Variants in TOP6BL observed in about 807,000 individuals in gnomAD.
TOP6BL encodes TOP6B like initiator of meiotic double strand breaks, also known as type 2 DNA topoisomerase 6 subunit B-like.
the TOP6BL span, among the ~76,000 whole-genome samples, chr11:66,792,509 G>A: frequency 1.3e-5 from 2 of 152,124 alleles, no homozygotes. Flanking sequence ...ATAGCTACCT[G>A]TATACACAGA....
the TOP6BL span, among the ~76,000 whole-genome samples, chr11:66,829,419 T>TA: frequency 6.6e-6 from 1 of 151,030 alleles, no homozygotes; most frequent in African/African-American, 2.4e-5. Context: ...CTACTAAAAA[T>TA]ACAAACATTA....
At chr11:66,776,787 T>C in the TOP6BL span, among the ~76,000 whole-genome samples, 1 of 152,186 alleles carries the variant, frequency 6.6e-6, no homozygotes, top group Non-Finnish European at 1.5e-5. Flanking sequence ...CAGTGGCTTA[T>C]GCTAGTAATC....
chr11:66,828,126 T>C, the TOP6BL span: 1 of 615,420 alleles, frequency 1.6e-6, no homozygotes, highest in Non-Finnish European at 2.9e-6. Flanking sequence ...ACTGCCTTCA[T>C]GAAAACTAAG....
At chr11:66,842,820 T>G in the TOP6BL span, 40 of 1,528,854 alleles carry the variant, frequency 2.6e-5, no homozygotes, top group African/African-American at 1.4e-5. Context: ...GCCATGAAAG[T>G]AAGATGAAGA....
At chr11:66,784,372 G>C in the TOP6BL span, among the ~76,000 whole-genome samples, 1 of 151,870 alleles carries the variant, frequency 6.6e-6, no homozygotes, top group Non-Finnish European at 1.5e-5. Context: ...TTTTGCCAAG[G>C]GGTGGTCTCA....
the TOP6BL span, among the ~76,000 whole-genome samples, chr11:66,800,255 T>A: frequency 6.6e-6 from 1 of 152,060 alleles, no homozygotes; most frequent in South Asian, 2.1e-4. Flanking sequence ...AATAGGGAGT[T>A]GTTAGTTAAA....
At chr11:66,821,497 G>T in the TOP6BL span, 17 of 761,976 alleles carry the variant, frequency 2.2e-5, no homozygotes, top group African/African-American at 2.7e-4. Flanking sequence ...CCGTGGTCTC[G>T]ATCTCCTGAC....
the TOP6BL span, among the ~76,000 whole-genome samples, chr11:66,822,953 C>T: frequency 6.6e-6 from 1 of 150,960 alleles, no homozygotes; most frequent in Non-Finnish European, 1.5e-5. Flanking sequence ...GAGCCGTGAT[C>T]ATGCCACTGT....
At chr11:66,772,736 C>T in the TOP6BL span, among the ~76,000 whole-genome samples, 3 of 152,236 alleles carry the variant, frequency 2.0e-5, no homozygotes, top group South Asian at 4.1e-4. Flanking sequence ...TGCCACTGCA[C>T]TCCAGCCTGT....
the TOP6BL span, among the ~76,000 whole-genome samples, chr11:66,745,223 C>A: frequency 6.8e-6 from 1 of 146,068 alleles, no homozygotes; most frequent in African/African-American, 2.5e-5. Flanking sequence ...AGGTGCCTGC[C>A]GGAGCCCAGC....
the TOP6BL span, among the ~76,000 whole-genome samples, chr11:66,768,862 G>A: frequency 2.0e-5 from 3 of 152,100 alleles, no homozygotes; most frequent in Non-Finnish European, 4.4e-5. Flanking sequence ...AGGAGGAAAA[G>A]GATAGCTCTT....
At chr11:66,788,747 T>A in the TOP6BL span, among the ~76,000 whole-genome samples, 2 of 150,552 alleles carry the variant, frequency 1.3e-5, no homozygotes, top group Admixed American at 1.3e-4. Context: ...TTATTGAAAA[T>A]TTTTTTGGTA....
At chr11:66,746,891 A>C in the TOP6BL span, among the ~76,000 whole-genome samples, 7 of 152,042 alleles carry the variant, frequency 4.6e-5, no homozygotes, top group African/African-American at 1.2e-4. Context: ...CTCTCCCCCC[A>C]AAAATAAATG....
At chr11:66,811,490 C>CCTAT in the TOP6BL span, among the ~76,000 whole-genome samples, 1 of 152,140 alleles carries the variant, frequency 6.6e-6, no homozygotes, top group Admixed American at 6.6e-5. Flanking sequence ...CTGTGCCCAG[C>CCTAT]CTATACTCTT....
chr11:66,813,299 A>G, the TOP6BL span, among the ~76,000 whole-genome samples: 2 of 152,234 alleles, frequency 1.3e-5, no homozygotes, highest in Non-Finnish European at 2.9e-5. Context: ...ATCTATGACC[A>G]TGTGAACCGG....
At chr11:66,781,694 C>T in the TOP6BL span, among the ~76,000 whole-genome samples, 149 of 152,196 alleles carry the variant, frequency 9.8e-4, 1 homozygote, top group African/African-American at 3.5e-3. Context: ...TGTACCACCA[C>T]GCCCGGCTAA....
the TOP6BL span, among the ~76,000 whole-genome samples, chr11:66,808,811 GA>G: frequency 3.3e-5 from 5 of 152,196 alleles, no homozygotes; most frequent in African/African-American, 1.2e-4. Flanking sequence ...ATACAGAAGA[GA>G]GGGGTTAACA....
chr11:66,811,053 G>C, the TOP6BL span, among the ~76,000 whole-genome samples: 1 of 151,264 alleles, frequency 6.6e-6, no homozygotes, highest in African/African-American at 2.4e-5. Flanking sequence ...TCCTAAGCTC[G>C]TGTGACCTTC....
chr11:66,762,326 C>T, the TOP6BL span: 22 of 400,386 alleles, frequency 5.5e-5, no homozygotes, highest in African/African-American at 3.8e-4. Context: ...AAAGGCGGGG[C>T]GGGCCCCGGG....
Sources: allele counts gnomAD v4.1 joint callset (sites outside exome capture counted in the v4.1 genomes callset), GRCh38; gene constraint gnomAD v4.1.1; transcripts MANE v1.5; gene names NCBI Gene and HGNC (gene_info 2026-07-23, HGNC 2026-07-21).